The following CDH6 variants were observed in gnomAD, a reference collection of about 807,000 sequenced individuals.
CDH6 encodes the protein cadherin-6.
Under a neutral mutation model 78.0 loss-of-function variants are expected in CDH6, and 31 were observed. The observed-to-expected ratio is 0.40, with a 90% CI of 0.30 to 0.54. The LOEUF (loss-of-function observed/expected upper bound fraction) is 0.54, where lower values mean the gene tolerates loss of function less well. CDH6 is among the 20% of genes least tolerant of loss of function. CDH6 has a pLI of 0.56. For missense variants in CDH6, 724 were observed against 975.9 expected, an observed-to-expected ratio of 0.74 and a Z score of 3.44; for synonymous variants, 376 against 368.8, an observed-to-expected ratio of 1.02 and a Z score of -0.23.
chr5:31,227,077 A>G (rs1463936701), intron 1 of CDH6, among the ~76,000 whole-genome samples: 1 of 152,116 alleles, frequency 6.6e-6, no homozygotes, highest in Non-Finnish European at 1.5e-5. Flanking sequence ...CACTCCTCTT[A>G]AAACAGGGCT....
chr5:31,293,781 A>ATGGAACATGAAATACCATT (rs1737489712), intron 2 of CDH6, among the ~76,000 whole-genome samples, 181 bp from the exon 3 acceptor site: 1 of 152,096 alleles, frequency 6.6e-6, no homozygotes, highest in South Asian at 2.1e-4. Context: ...TTATAAGGAA[A>ATGGAACATGAAATACCATT]CATGTTCATT....
chr5:31,262,389 A>C (rs1742233104), intron 1 of CDH6, among the ~76,000 whole-genome samples: 1 of 152,234 alleles, frequency 6.6e-6, no homozygotes, highest in African/African-American at 2.4e-5. Flanking sequence ...CTTGACCACC[A>C]ACCACTTTTG....
chr5:31,220,465 T>G (rs528001415), intron 1 of CDH6, among the ~76,000 whole-genome samples: 1 of 152,200 alleles, frequency 6.6e-6, no homozygotes, highest in Non-Finnish European at 1.5e-5. Context: ...CTCTATTTAT[T>G]TCTTCTCTCA....
chr5:31,226,847 C>G (rs114181737), intron 1 of CDH6, among the ~76,000 whole-genome samples: 501 of 152,288 alleles, frequency 3.3e-3, no homozygotes, highest in Non-Finnish European at 5.1e-3. Context: ...TGAAATCCCA[C>G]TATCCTCATT....
At chr5:31,208,012 G>A (rs1237836374) in intron 1 of CDH6, among the ~76,000 whole-genome samples, 1 of 152,202 alleles carries the variant, frequency 6.6e-6, no homozygotes, top group Non-Finnish European at 1.5e-5. Context: ...TATCCAGGGG[G>A]CTAACGCTAG....
chr5:31,279,234 A>G (rs1233972414), intron 2 of CDH6, among the ~76,000 whole-genome samples: 2 of 152,150 alleles, frequency 1.3e-5, no homozygotes. Context: ...ATTTTTATAT[A>G]CTGTACTCTT....
At chr5:31,215,454 T>C (rs1354349583) in intron 1 of CDH6, among the ~76,000 whole-genome samples, 1 of 152,198 alleles carries the variant, frequency 6.6e-6, no homozygotes, top group African/African-American at 2.4e-5. Flanking sequence ...AATCAATGCT[T>C]TGAAGATGTA....
At chr5:31,318,872 G>T (rs1187611899) in intron 11 of CDH6, 1 of 226,840 alleles carries the variant, frequency 4.4e-6, no homozygotes, top group African/African-American at 2.2e-5. Context: ...AGAACAGAAT[G>T]CCCAGGGATC....
At chr5:31,288,334 A>G (rs1743064695) in intron 2 of CDH6, among the ~76,000 whole-genome samples, 1 of 152,228 alleles carries the variant, frequency 6.6e-6, no homozygotes. Flanking sequence ...ATTCAAATAC[A>G]GCAGAATAAA....
chr5:31,205,054 A>G (rs1740477326), intron 1 of CDH6, among the ~76,000 whole-genome samples: 1 of 152,152 alleles, frequency 6.6e-6, no homozygotes, highest in African/African-American at 2.4e-5. Flanking sequence ...GTTGGGGGAG[A>G]AAGGAGAAAA....
At chr5:31,302,844 GAAAGAAAGAGAA>G (rs1561066166) in intron 6 of CDH6, among the ~76,000 whole-genome samples, 24 of 133,104 alleles carry the variant, frequency 1.8e-4, no homozygotes, top group African/African-American at 5.1e-4. Flanking sequence ...AAGAAAGAAA[GAAAGAAAGAGAA>G]AGAAAGGAAG....
chr5:31,212,126 C>T (rs902839354), intron 1 of CDH6, among the ~76,000 whole-genome samples: 2 of 152,112 alleles, frequency 1.3e-5, no homozygotes, highest in Non-Finnish European at 2.9e-5. Context: ...GTGCAGTTTC[C>T]ACCAATAAAA....
At chr5:31,266,689 T>C (rs1485255424) in intron 1 of CDH6, among the ~76,000 whole-genome samples, 1 of 152,196 alleles carries the variant, frequency 6.6e-6, no homozygotes, top group African/African-American at 2.4e-5. Flanking sequence ...ATTAAATATG[T>C]ATAGGCTTAT....
At chr5:31,296,559 T>TAA (rs1308056505) in intron 3 of CDH6, among the ~76,000 whole-genome samples, 1 of 152,208 alleles carries the variant, frequency 6.6e-6, no homozygotes, top group East Asian at 1.9e-4. Context: ...ATGTAATCCA[T>TAA]AACTACATTC....
At chr5:31,278,724 A>G (rs1742771342) in intron 2 of CDH6, among the ~76,000 whole-genome samples, 1 of 152,196 alleles carries the variant, frequency 6.6e-6, no homozygotes, top group African/African-American at 2.4e-5. Context: ...ATATGTAATG[A>G]CATTCTTTTT....
intron 1 of CDH6, among the ~76,000 whole-genome samples, chr5:31,229,224 G>T (rs1165874258): frequency 6.6e-6 from 1 of 152,186 alleles, no homozygotes; most frequent in Non-Finnish European, 1.5e-5. Flanking sequence ...GGAAGAAAGG[G>T]CAAAACAAAG....
At position 31,323,543 on chromosome 5, in the gene CDH6, G is replaced by A. The variant is rs1738535062; in HGVS notation, c.*235G>A. On this transcript the variant is annotated 3_prime_UTR_variant, in exon 12 of 12. Transcript: ENST00000265071. Reference sequence around the variant, plus strand: ...GTTAACCAAGTCAGCCCAACAGGCAGGTGCCGGAGGGGAGGACAGGGAACA... The same window carrying A: ...GTTAACCAAGTCAGCCCAACAGGCAAGTGCCGGAGGGGAGGACAGGGAACA... 4.0e-6 allele frequency: 2 copies of A among 497,944 alleles called. No individual in the cohort carries two copies. 30.8% of individuals were successfully genotyped at this position (497,944 alleles called of 1,614,324 possible).
intron 8 of CDH6, among the ~76,000 whole-genome samples, chr5:31,314,870 G>A (rs1250013373): frequency 6.6e-6 from 1 of 152,078 alleles, no homozygotes; most frequent in Non-Finnish European, 1.5e-5. Flanking sequence ...GAAAGTATTG[G>A]TGACTATCTC....
At chr5:31,302,964 A>AAAGAAAGAAAAG (rs1238222776) in intron 6 of CDH6, among the ~76,000 whole-genome samples, 5 of 111,752 alleles carry the variant, frequency 4.5e-5, no homozygotes, top group African/African-American at 1.3e-4. Context: ...AGAAGGAAAG[A>AAAGAAAGAAAAG]AAAGAAAGAA....
Sources: allele counts gnomAD v4.1 joint callset (sites outside exome capture counted in the v4.1 genomes callset), GRCh38; gene constraint gnomAD v4.1.1; transcripts MANE v1.5; gene names NCBI Gene and HGNC (gene_info 2026-07-23, HGNC 2026-07-21).